Variants in MYH8 observed in about 807,000 individuals in gnomAD.
The protein encoded by MYH8 is myosin-8.
A neutral mutation model predicts 233.2 loss-of-function variants in MYH8; 168 were observed. The ratio of observed to expected loss-of-function variants is 0.72; its 90% CI spans 0.64 to 0.82. The LOEUF (loss-of-function observed/expected upper bound fraction) is 0.82, where lower values mean the gene tolerates loss of function less well. MYH8 is among the 40% of genes least tolerant of loss of function. The pLI, the probability that MYH8 is intolerant of heterozygous loss-of-function variation, is 0.00. For missense variants in MYH8, 1,995 were observed against 2,327.8 expected, an observed-to-expected ratio of 0.86 and a Z score of 2.94; for synonymous variants, 785 against 850.6, an observed-to-expected ratio of 0.92 and a Z score of 1.34.
Position 10,398,748 on chromosome 17 carries a change from A to C in MYH8, c.3981+20T>G, listed in dbSNP as rs761433197. The C allele has an allele frequency of 6.2e-7, 1 of 1,613,976 alleles. No homozygotes were observed. Among genetic ancestry groups the C allele is most frequent in the South Asian group, 1.1e-5 (1 of 91,086 alleles). ...CAGGTTTAGATTTGGTTAGTCAAAA[A>C]AATCCTTGGCAAAACTCACTTTAGT... On this transcript the variant is annotated intron_variant, in intron 29 of 39. Transcript: ENST00000403437.
chr17:10,421,342 T>C (rs1304936816), intron 2 of MYH8, among the ~76,000 whole-genome samples: 1 of 152,146 alleles, frequency 6.6e-6, no homozygotes, highest in East Asian at 1.9e-4. Flanking sequence ...ATGTCCTAAG[T>C]CCTCAATGCT....
At chr17:10,404,675 T>A (rs1364679483) in intron 21 of MYH8, 90 bp from the exon 22 acceptor site, 6 of 1,466,378 alleles carry the variant, frequency 4.1e-6, no homozygotes, top group Non-Finnish European at 5.6e-6. Context: ...TTTTAATGAA[T>A]GCCGCTCACA....
At chr17:10,418,558 A>T in intron 5 of MYH8, 87 bp downstream of exon 5, 1 of 1,610,028 alleles carries the variant, frequency 6.2e-7, no homozygotes, top group Admixed American at 1.7e-5. Context: ...ATGTATTATC[A>T]TAACATAAAG....
chr17:10,408,066 G>A (rs1348443191), intron 17 of MYH8, among the ~76,000 whole-genome samples: 2 of 150,892 alleles, frequency 1.3e-5, no homozygotes, highest in Non-Finnish European at 2.9e-5. Context: ...TCAGCCTCCC[G>A]AGTAGCTGGG....
rs1053688723 is a variant in MYH8, at chr17:10,400,134, C to T, written c.3735+256G>A. Among the ~76,000 whole-genome samples the T allele has an allele frequency of 6.6e-6, 1 of 152,018 alleles. No homozygotes were observed. The highest frequency in any genetic ancestry group is 1.5e-5 in the Non-Finnish European group (1 of 67,986). ...AGGAGAGTGGCGTGAACCCGGGAGG[C>T]GGAGCTTGCAGTGAGCCGAGATTGC... On this transcript the variant is annotated intron_variant, in intron 27 of 39. Coordinates refer to ENST00000403437, the MANE Select transcript of MYH8 (RefSeq NM_002472.3). The surrounding 1 kb of genome is among the most constrained non-coding windows in gnomAD (Gnocchi z 4.0).
chr17:10,395,544 A>G, intron 33 of MYH8, 103 bp from the exon 34 acceptor site: 9 of 1,188,096 alleles, frequency 7.6e-6, no homozygotes, highest in Non-Finnish European at 1.1e-5. Flanking sequence ...GTCTAATTTT[A>G]CAAAGTATAA....
rs1353450116 is a variant in MYH8, at chr17:10,406,309, T to C, written c.2260A>G (p.Ile754Val). 1 of 1,613,724 alleles carries C rather than the reference T, an allele frequency of 6.2e-7. No homozygotes were observed. Among genetic ancestry groups the C allele is most frequent in the East Asian group, 2.2e-5 (1 of 44,872 alleles). ...CCAAATTTATATTGAGTATGATCAATATCAATAGATGCAAGAAGTTTCTCA... is the reference window on the plus strand; with the variant it reads ...CCAAATTTATATTGAGTATGATCAACATCAATAGATGCAAGAAGTTTCTCA... ...ASEKLLASID[I>V]DHTQYKFGHT... is the part of the protein sequence containing the mutation. Residue 754 changes from isoleucine to valine, a missense_variant, in exon 20 of 40, where the codon ATT becomes GTT. By Grantham distance (29) the Ile-to-Val change is conservative. Around this residue, in one of 3 missense-constraint regions of MYH8, gnomAD observed 1,498 missense variants for 1,680.9 expected, o/e 0.89. Transcript: ENST00000403437.
chr17:10,418,151 A>G (rs1176641138), intron 5 of MYH8, among the ~76,000 whole-genome samples: 2 of 152,226 alleles, frequency 1.3e-5, no homozygotes, highest in Admixed American at 6.5e-5. Context: ...GAGGAAAATC[A>G]TAGCTTTCTT....
chr17:10,420,051 T>A lies in MYH8; in HGVS notation c.177A>T (p.Gly59=), dbSNP rs1249097825. ...YVKSTIQSKE[G]GKVTVKTEGG... ...CTTCAGTCTTTACGGTTACTTTCCC[T>A]CCTTCTTTGCTTTGTATAGTGCTCT... Residue 59 remains glycine, a synonymous_variant, in exon 3 of 40, where the codon GGA becomes GGT. Coordinates refer to ENST00000403437, the MANE Select transcript of MYH8 (RefSeq NM_002472.3). 1 of 1,614,270 alleles carries A rather than the reference T, an allele frequency of 6.2e-7. No individual in the cohort carries two copies. Among genetic ancestry groups the A allele is most frequent in the Non-Finnish European group, 8.5e-7 (1 of 1,180,042 alleles).
chr17:10,397,053 C>G lies in MYH8; in HGVS notation c.4179-67G>C, dbSNP rs2072086165. Reference sequence around the variant, plus strand: ...GAAGCAAAGTGATAACCTCCTTGGTCCCTTTTCACAGTCCTATTTCTTTTC... The same window carrying G: ...GAAGCAAAGTGATAACCTCCTTGGTGCCTTTTCACAGTCCTATTTCTTTTC... On this transcript the variant is annotated intron_variant, in intron 30 of 39. Coordinates refer to ENST00000403437, the MANE Select transcript of MYH8 (RefSeq NM_002472.3). 3.9e-6 allele frequency: 6 copies of G among 1,523,762 alleles called. No homozygotes were observed. In the East Asian group the frequency reaches 9.0e-5, roughly 23 times the overall value. 94.4% of individuals were successfully genotyped at this position (1,523,762 alleles called of 1,614,324 possible).
At chr17:10,404,637 A>G (rs1455149536) in intron 21 of MYH8, 52 bp from the exon 22 acceptor site, 6 of 1,606,370 alleles carry the variant, frequency 3.7e-6, no homozygotes, top group African/African-American at 1.3e-5. Context: ...AGCCAATGTT[A>G]TTGTTACTTA....
In MYH8 at chr17:10,390,350, A is replaced by G; in HGVS notation, c.*104T>C. 6.8e-7 allele frequency: 1 copy of G among 1,464,542 alleles called. No homozygotes were observed. The highest frequency in any genetic ancestry group is 9.5e-7 in the Non-Finnish European group (1 of 1,047,170). 90.7% of individuals were successfully genotyped at this position (1,464,542 alleles called of 1,614,324 possible). A position where few individuals can be genotyped will look rare whatever the true frequency, so the allele number is the denominator to read the frequency against. On this transcript the variant is annotated 3_prime_UTR_variant, in exon 40 of 40. Coordinates refer to ENST00000403437, the MANE Select transcript of MYH8 (RefSeq NM_002472.3). The stretch of plus-strand genomic sequence containing the variant: ...AATGTATACATTTACTGTAGTTTTT[A>G]TTTATTCAGCTTTAACAGGAAAATA...
chr17:10,404,947 G>T (rs964412101), intron 21 of MYH8, among the ~76,000 whole-genome samples: 4 of 152,128 alleles, frequency 2.6e-5, no homozygotes, highest in African/African-American at 9.7e-5. Flanking sequence ...CAGTATTAGT[G>T]ATTTGAGGGT....
chr17:10,411,140 G>T (rs2072240504), intron 14 of MYH8, among the ~76,000 whole-genome samples, 193 bp from the exon 15 acceptor site: 1 of 152,120 alleles, frequency 6.6e-6, no homozygotes, highest in Non-Finnish European at 1.5e-5. Flanking sequence ...ACTTTGGGAG[G>T]CCGCGGTGGG....
Position 10,420,166 on chromosome 17 carries a change from T to A in MYH8, c.62A>T (p.Lys21Ile), listed in dbSNP as rs2072324335. 1 of 1,613,980 alleles carries A rather than the reference T, an allele frequency of 6.2e-7. No individual in the cohort carries two copies. Among genetic ancestry groups the A allele is most frequent in the Non-Finnish European group, 8.5e-7 (1 of 1,180,034 alleles). ...GGCCTCAATCCGCTCCTTTTCTGAT[T>A]TTCGAAGGTAGGGAGCAGCTTCGCC... Reference protein sequence around the residue: ...VFGEAAPYLRKSEKERIEAQN... With the variant: ...VFGEAAPYLRISEKERIEAQN... Residue 21 changes from lysine (K) to isoleucine (I), a missense_variant, in exon 3 of 40, where the codon AAA (lysine) becomes ATA (isoleucine). Physicochemically the swap from Lys to Ile is moderately radical, Grantham distance 102 (BLOSUM62 -3). Coordinates refer to ENST00000403437, the MANE Select transcript of MYH8 (RefSeq NM_002472.3).
At chr17:10,407,971 C>T (rs1160699455) in intron 17 of MYH8, among the ~76,000 whole-genome samples, 6 of 144,230 alleles carry the variant, frequency 4.2e-5, no homozygotes, top group Non-Finnish European at 9.0e-5. Context: ...GACAGAATCT[C>T]GCTCTGTTGC....
rs773068002 is a variant in MYH8 at position 10,418,760 on chromosome 17, C to G, written c.396G>C (p.Lys132Asn). ...GLFCVTVNPYKWLPVYKPEVV... is the reference protein window; with the variant it reads ...GLFCVTVNPYNWLPVYKPEVV... ...CCTCGGGCTTGTACACCGGCAGCCA[C>G]TTGTAGGGGTTGACGGTGACACAGA... Residue 132 changes from lysine to asparagine, a missense_variant, in exon 5 of 40, where the codon AAG (lysine) becomes AAC (asparagine). Physicochemically the swap from Lys to Asn is moderately conservative, Grantham distance 94 (BLOSUM62 0). Coordinates refer to ENST00000403437, the MANE Select transcript of MYH8 (RefSeq NM_002472.3). 5 of 1,613,786 alleles carry G rather than the reference C, an allele frequency of 3.1e-6. No homozygotes were observed. The highest frequency in any genetic ancestry group is 4.2e-6 in the Non-Finnish European group (5 of 1,179,824).
Position 10,393,124 on chromosome 17 carries a change from T to C in MYH8, c.5253A>G (p.Ser1751=). Residue 1751 remains serine (S), a synonymous_variant, in exon 36 of 40, where the codon TCA becomes TCG. Coordinates refer to ENST00000403437, the MANE Select transcript of MYH8 (RefSeq NM_002472.3). ...TCTTGGCTTTCTCTTCTGCATTGCG[T>C]GATTCTTGGATTACTTCTTCCACTT... ...QSEVEEVIQE[S]RNAEEKAKKA... 5.0e-6 allele frequency: 8 copies of C among 1,614,250 alleles called. No individual in the cohort carries two copies. The highest frequency in any genetic ancestry group is 6.8e-6 in the Non-Finnish European group (8 of 1,180,050).
chr17:10,412,265 T>G, intron 14 of MYH8, 105 bp downstream of exon 14: 1 of 1,609,158 alleles, frequency 6.2e-7, no homozygotes. Flanking sequence ...GGTGCAGTGT[T>G]GGAGCAAGTA....
Sources: allele counts gnomAD v4.1 joint callset (sites outside exome capture counted in the v4.1 genomes callset), GRCh38; gene constraint gnomAD v4.1.1; regional missense constraint gnomAD v4.1.1; non-coding constraint Gnocchi (gnomAD v3.1); transcripts MANE v1.5; gene names NCBI Gene and HGNC (gene_info 2026-07-23, HGNC 2026-07-21).